Variants in AGAP1 observed in about 807,000 individuals in gnomAD.
The protein encoded by AGAP1 is arf-GAP with GTPase, ANK repeat and PH domain-containing protein 1.
In AGAP1, 29 loss-of-function variants were observed where a neutral mutation model predicts 105.3. The ratio of observed to expected loss-of-function variants is 0.28; its 90% confidence interval spans 0.21 to 0.38. The LOEUF (loss-of-function observed/expected upper bound fraction) is 0.38. Among genes scored for constraint, AGAP1 ranks in the 10% least tolerant of loss-of-function variants. AGAP1 has a pLI of 1.00. For synonymous variants in AGAP1, 509 were observed against 485.9 expected (o/e 1.05, Z -0.63); for missense variants, 998 against 1,165.1 (o/e 0.86, Z 2.09).
chr2:236,079,370 T>TAA (rs3030747), intron 16 of AGAP1, among the ~76,000 whole-genome samples: 29 of 127,512 alleles, frequency 2.3e-4, no homozygotes, highest in Non-Finnish European at 3.4e-4. Context: ...AAAGAAAATT[T>TAA]AAAAAAAAAA....
At chr2:235,641,570 C>G (rs1464401534) in intron 1 of AGAP1, among the ~76,000 whole-genome samples, 2 of 152,230 alleles carry the variant, frequency 1.3e-5, no homozygotes, top group African/African-American at 4.8e-5. Flanking sequence ...GGGCTCCTCT[C>G]CCGCCCACGC....
Position 235,799,610 on chromosome 2 carries a change from T to C in AGAP1, c.957+88T>C. ...CTGGTTGCCACATGGTTCAGTGGTA[T>C]TTGTAGAATCTCAACTATATTAAAG... is the stretch of plus-strand genomic sequence containing the variant. On this transcript the variant is annotated intron_variant, in intron 8 of 17. Transcript: ENST00000304032. The surrounding 1 kb of genome is among the most constrained non-coding windows in gnomAD (Gnocchi z 5.0). 7.0e-7 allele frequency: 1 copy of C among 1,419,740 alleles called. No individual in the cohort carries two copies. The highest frequency in any genetic ancestry group is 9.7e-7 in the Non-Finnish European group (1 of 1,035,746). 87.9% of individuals were successfully genotyped at this position (1,419,740 alleles called of 1,614,324 possible).
intron 9 of AGAP1, chr2:235,852,751 C>T (rs1353584400): frequency 6.5e-7 from 1 of 1,540,014 alleles, no homozygotes; most frequent in Admixed American, 2.0e-5. Flanking sequence ...GAGCCCGTGC[C>T]CGTCAGTCCT....
chr2:235,783,833 G>C lies in AGAP1; in HGVS notation c.674-13926G>C, dbSNP rs113720053. The stretch of plus-strand genomic sequence containing the variant: ...AACATTCATGGACCGGTACAACTAA[G>C]ATGTTTTGCATTTCACAGTATGTAC... On this transcript the variant is annotated intron_variant, in intron 6 of 17. Coordinates refer to ENST00000304032, the MANE Select transcript of AGAP1 (RefSeq NM_001037131.3). 4.5e-3 allele frequency among the ~76,000 whole-genome samples: 692 copies of C among 152,184 alleles called. 2 individuals are homozygous for C. Among genetic ancestry groups the C allele is most frequent in the Non-Finnish European group, 6.5e-3 (441 of 68,004 alleles).
chr2:235,956,495 A>T (rs756592253), intron 12 of AGAP1, among the ~76,000 whole-genome samples: 1 of 152,174 alleles, frequency 6.6e-6, no homozygotes, highest in Non-Finnish European at 1.5e-5. Context: ...ATTCGGCACC[A>T]GCTGGCCCTC....
chr2:235,573,007 TTC>T (rs1262137969), intron 1 of AGAP1, among the ~76,000 whole-genome samples: 2,783 of 29,136 alleles, frequency 0.096, 212 homozygotes, highest in African/African-American at 0.13. Context: ...CTTCTTCTTC[TTC>T]TTCTTCTTCT....
In AGAP1 at chr2:235,883,407, C is replaced by A; in HGVS notation, c.1113C>A (p.Thr371=). The stretch of plus-strand genomic sequence containing the variant: ...AAGAGTGGAAAAAGAAATATGTCAC[C>A]CTGTGTGACAATGGCGTGCTGACCT... The part of the protein sequence containing the change: ...LNKEWKKKYV[T]LCDNGVLTYH... The change falls in exon 10 of 18, where the codon ACC becomes ACA. Residue 371 remains threonine (T), a synonymous_variant. Coordinates refer to ENST00000304032, the MANE Select transcript of AGAP1 (RefSeq NM_001037131.3). The surrounding 1 kb of genome is among the most constrained non-coding windows in gnomAD (Gnocchi z 4.5). The A allele has an allele frequency of 1.9e-6, 3 of 1,614,008 alleles. No homozygotes were observed. Among genetic ancestry groups the A allele is most frequent in the Non-Finnish European group, 2.5e-6 (3 of 1,179,994 alleles).
chr2:235,675,389 C>G (rs757618917), intron 1 of AGAP1, among the ~76,000 whole-genome samples: 3 of 152,190 alleles, frequency 2.0e-5, no homozygotes, highest in South Asian at 2.1e-4. Flanking sequence ...GACGGGGTTT[C>G]ACTGTGGTCT....
chr2:235,677,118 C>T (rs188187191), intron 1 of AGAP1, among the ~76,000 whole-genome samples: 1 of 152,212 alleles, frequency 6.6e-6, no homozygotes, highest in Non-Finnish European at 1.5e-5. Context: ...CTAGTTCTCT[C>T]TTCTCCTGTG....
intron 1 of AGAP1, among the ~76,000 whole-genome samples, chr2:235,632,971 G>A (rs1453720816): frequency 1.3e-5 from 2 of 152,114 alleles, no homozygotes; most frequent in Non-Finnish European, 2.9e-5. Flanking sequence ...TAGCCTTGCA[G>A]GAAGGGGTCT....
intron 1 of AGAP1, among the ~76,000 whole-genome samples, chr2:235,525,175 A>C (rs1390197084): frequency 6.6e-6 from 1 of 152,248 alleles, no homozygotes; most frequent in East Asian, 1.9e-4. Flanking sequence ...GCCTCTTTTG[A>C]AACTGGAGAT....
At chr2:235,670,433 G>A (rs1360593242) in intron 1 of AGAP1, 1 of 552,700 alleles carries the variant, frequency 1.8e-6, no homozygotes, top group Non-Finnish European at 3.3e-6. Flanking sequence ...CCGGCCGTGC[G>A]CACGCGGCCT....
rs199729717 is a variant in AGAP1 at position 235,971,741 on chromosome 2, TTTTATTTATTTA to T, written c.1645+3153_1645+3164del. Among the ~76,000 whole-genome samples the T allele has an allele frequency of 0.012, 1,704 of 145,718 alleles. 16 individuals are homozygous for T. The highest frequency in any genetic ancestry group is 0.014 in the Non-Finnish European group (960 of 66,950). On this transcript the variant is annotated intron_variant, in intron 13 of 17. Coordinates refer to ENST00000304032, the MANE Select transcript of AGAP1 (RefSeq NM_001037131.3). The surrounding 1 kb of genome is among the most constrained non-coding windows in gnomAD (Gnocchi z 4.8). ...ACTAAAGCTAGTTATATATGTTTTA[TTTTATTTATTTA>T]TTTATTTATTTATTTATTTATTTAT... is the stretch of plus-strand genomic sequence containing the variant.
Position 235,864,554 on chromosome 2 carries a change from A to AG in AGAP1, c.1051-18787dup, listed in dbSNP as rs778305392. Among the ~76,000 whole-genome samples, 1 of 152,142 alleles carries AG rather than the reference A, an allele frequency of 6.6e-6. No individual in the cohort carries two copies. The highest frequency in any genetic ancestry group is 1.5e-5 in the Non-Finnish European group (1 of 68,034). On this transcript the variant is annotated intron_variant, in intron 9 of 17. Transcript: ENST00000304032. The surrounding 1 kb of genome is among the most constrained non-coding windows in gnomAD (Gnocchi z 5.0). ...AGCCCCCAAACGCAGGTCAGCATGGAGGGGCAGCCTGCAGAGGTGTCACCA... is the reference window on the plus strand; with the variant it reads ...AGCCCCCAAACGCAGGTCAGCATGGAGGGGGCAGCCTGCAGAGGTGTCACCA...
Position 236,089,672 on chromosome 2 carries a change from C to T in AGAP1, c.2115-30520C>T, listed in dbSNP as rs142663556. Among the ~76,000 whole-genome samples the T allele has an allele frequency of 1.3e-5, 2 of 152,184 alleles. No individual in the cohort carries two copies. Among genetic ancestry groups the T allele is most frequent in the African/African-American group, 2.4e-5 (1 of 41,442 alleles). ...AAAGGCCCTCTGCAAATTTCTGATT[C>T]CTGTACAGTCAGCATTAATATGCTG... On this transcript the variant is annotated intron_variant, in intron 16 of 17. Coordinates refer to ENST00000304032, the MANE Select transcript of AGAP1 (RefSeq NM_001037131.3). This position sits in a 1 kb window ranked among gnomAD's most constrained non-coding sequence, Gnocchi z 5.6.
chr2:235,531,117 C>G (rs1027184413), intron 1 of AGAP1, among the ~76,000 whole-genome samples: 1 of 152,212 alleles, frequency 6.6e-6, no homozygotes, highest in Non-Finnish European at 1.5e-5. Flanking sequence ...GTCCGCAAAT[C>G]TAGACTCAGC....
intron 16 of AGAP1, among the ~76,000 whole-genome samples, chr2:236,086,895 G>C (rs78383052): frequency 1.1e-5 from 1 of 87,978 alleles, no homozygotes; most frequent in East Asian, 3.6e-4. Flanking sequence ...CCAAAAATCT[G>C]CAAATAAAAT....
intron 1 of AGAP1, among the ~76,000 whole-genome samples, chr2:235,696,521 C>T (rs896074085): frequency 2.6e-5 from 4 of 152,112 alleles, no homozygotes; most frequent in Non-Finnish European, 5.9e-5. Flanking sequence ...GGATGTGAGG[C>T]CACAGACCAA....
intron 3 of AGAP1, among the ~76,000 whole-genome samples, chr2:235,722,891 T>TAA (rs113264356): frequency 3.2e-4 from 46 of 144,392 alleles, no homozygotes; most frequent in Admixed American, 1.0e-3. Context: ...GCAAATGAGC[T>TAA]AAAAAAAAAA....
Sources: allele counts gnomAD v4.1 joint callset (sites outside exome capture counted in the v4.1 genomes callset), GRCh38; gene constraint gnomAD v4.1.1; non-coding constraint Gnocchi (gnomAD v3.1); transcripts MANE v1.5; gene names NCBI Gene and HGNC (gene_info 2026-07-23, HGNC 2026-07-21).